Variants in TMEM132D observed in about 807,000 individuals in gnomAD.
TMEM132D encodes the protein transmembrane protein 132D.
In TMEM132D, 21 loss-of-function variants were observed where a neutral mutation model predicts 62.3. The ratio of observed to expected loss-of-function variants is 0.34; its 90% confidence interval spans 0.24 to 0.49. The LOEUF (loss-of-function observed/expected upper bound fraction) is 0.49, where lower values mean the gene tolerates loss of function less well. TMEM132D is among the 20% of genes least tolerant of loss of function. The pLI is 0.99. For synonymous variants in TMEM132D, 621 were observed against 575.6 expected (o/e 1.08, Z -1.13); for missense variants, 1,346 against 1,402.8 (o/e 0.96, Z 0.65).
At chr12:129,694,541 C>T (rs764301519) in intron 2 of TMEM132D, among the ~76,000 whole-genome samples, 16 of 152,190 alleles carry the variant, frequency 1.1e-4, no homozygotes, top group African/African-American at 1.4e-4. Flanking sequence ...TCGGAGTATG[C>T]GCCTGTAACA....
At chr12:129,576,555 C>CAT (rs927087557) in intron 2 of TMEM132D, among the ~76,000 whole-genome samples, 7 of 151,094 alleles carry the variant, frequency 4.6e-5, no homozygotes, top group African/African-American at 1.7e-4. Context: ...AATATATACA[C>CAT]ATATATATGT....
At chr12:129,607,845 C>A (rs1161125703) in intron 2 of TMEM132D, among the ~76,000 whole-genome samples, 5 of 152,190 alleles carry the variant, frequency 3.3e-5, no homozygotes, top group Admixed American at 1.3e-4. Flanking sequence ...TGCTGAGTTT[C>A]TCATGGCATA....
rs750660358 is a variant in TMEM132D, at chr12:129,558,503, G to C, written c.969-27298C>G. Among the ~76,000 whole-genome samples, 8 of 152,254 alleles carry C rather than the reference G, an allele frequency of 5.3e-5. No individual in the cohort carries two copies. In the South Asian group the frequency reaches 1.5e-3, roughly 28 times the overall value. ...CTAGATCAGCTCAGTGGGTGATTTCGAGCGTGGGCTCCTAAGCTGCTGGGA... is the reference window on the plus strand; with the variant it reads ...CTAGATCAGCTCAGTGGGTGATTTCCAGCGTGGGCTCCTAAGCTGCTGGGA... On this transcript the variant is annotated intron_variant, in intron 2 of 8. Transcript: ENST00000422113.
At position 129,356,282 on chromosome 12, in the gene TMEM132D, A is replaced by C. The variant is rs1439211284; in HGVS notation, c.1116-18465T>G. 3.2e-5 allele frequency among the ~76,000 whole-genome samples: 2 copies of C among 62,392 alleles called. 1 individual carries two copies. The highest frequency in any genetic ancestry group is 6.3e-4 in the East Asian group (2 of 3,150). 40.9% of individuals were successfully genotyped at this position (62,392 alleles called of 152,430 possible). A position where few individuals can be genotyped will look rare whatever the true frequency, so the allele number is the denominator to read the frequency against. ...CGCCATTCTCCTGCCTCAGCCTCCC[A>C]AGTAGCTGGGACTACAGGCGCCCGC... On this transcript the variant is annotated intron_variant, in intron 3 of 8. Transcript: ENST00000422113.
At chr12:129,365,645 C>T (rs1870383350) in intron 3 of TMEM132D, among the ~76,000 whole-genome samples, 1 of 152,070 alleles carries the variant, frequency 6.6e-6, no homozygotes, top group Non-Finnish European at 1.5e-5. Flanking sequence ...CCCCTGTCAC[C>T]CCGCAGGGAG....
At chr12:129,839,117 A>ATTTGTTTTTTTTTTTTT (rs1873098116) in intron 1 of TMEM132D, among the ~76,000 whole-genome samples, 1 of 20,704 alleles carries the variant, frequency 4.8e-5, no homozygotes, top group Non-Finnish European at 8.4e-5. Context: ...CGCCTGGCTA[A>ATTTGTTTTTTTTTTTTT]TTTTTTTTTT....
intron 3 of TMEM132D, among the ~76,000 whole-genome samples, chr12:129,388,136 ACACTAACATGAG>A (rs1262720207): frequency 1.5e-5 from 2 of 130,296 alleles, no homozygotes; most frequent in Non-Finnish European, 1.7e-5. Flanking sequence ...GATAATATGA[ACACTAACATGAG>A]TCCTAATATA....
At chr12:129,170,823 A>C (rs184786087) in intron 5 of TMEM132D, among the ~76,000 whole-genome samples, 1 of 151,196 alleles carries the variant, frequency 6.6e-6, no homozygotes, top group Non-Finnish European at 1.5e-5. Context: ...AAAAAGTGTT[A>C]TTGATAAAAA....
At chr12:129,532,976 C>T (rs1876272063) in intron 2 of TMEM132D, among the ~76,000 whole-genome samples, 1 of 152,144 alleles carries the variant, frequency 6.6e-6, no homozygotes, top group South Asian at 2.1e-4. Context: ...TACATCGGAG[C>T]AGTGATTCTC....
At chr12:129,891,855 CAT>C (rs1327362945) in intron 1 of TMEM132D, among the ~76,000 whole-genome samples, 3 of 152,022 alleles carry the variant, frequency 2.0e-5, no homozygotes, top group Non-Finnish European at 4.4e-5. Context: ...ATAGGTACCA[CAT>C]AGAGAGTGAA....
At chr12:129,431,404 C>T (rs553169190) in intron 3 of TMEM132D, among the ~76,000 whole-genome samples, 4 of 152,302 alleles carry the variant, frequency 2.6e-5, no homozygotes, top group African/African-American at 7.2e-5. Flanking sequence ...ACACATCTGT[C>T]GTATCTAGGC....
Position 129,903,657 on chromosome 12 carries a change from C to T in TMEM132D, c.-318G>A, listed in dbSNP as rs965096114. 1.6e-4 allele frequency: 35 copies of T among 225,656 alleles called. No individual in the cohort carries two copies. Among genetic ancestry groups the T allele is most frequent in the Non-Finnish European group, 1.7e-4 (20 of 116,188 alleles). 14.0% of individuals were successfully genotyped at this position (225,656 alleles called of 1,614,324 possible). On this transcript the variant is annotated 5_prime_UTR_variant, in exon 1 of 9. Coordinates refer to ENST00000422113, the MANE Select transcript of TMEM132D (RefSeq NM_133448.3). This position sits in a 1 kb window ranked among gnomAD's most constrained non-coding sequence, Gnocchi z 6.2. ...GTATTTCCTTTCCTGTTTACCCGAG[C>T]GAAGAGTGGCCCCCGGTGGCCCAAG...
intron 2 of TMEM132D, among the ~76,000 whole-genome samples, chr12:129,563,506 A>T (rs1478764509): frequency 6.6e-6 from 1 of 152,192 alleles, no homozygotes; most frequent in Non-Finnish European, 1.5e-5. Context: ...CGGAGTTGGC[A>T]ATGTAATCAG....
rs769064382 is a variant in TMEM132D at position 129,700,584 on chromosome 12, G to A, written c.194C>T (p.Ala65Val). The change falls in exon 2 of 9, where the codon GCC becomes GTC. Residue 65 changes from alanine (A) to valine (V), a missense_variant. Transcript: ENST00000422113. Reference protein sequence around the residue: ...NADVSFFLKEANQDIMRNSSL... With the variant: ...NADVSFFLKEVNQDIMRNSSL... ...GGAGTTCCTCATGATATCCTGGTTG[G>A]CCTCCTTCAGGAAGAAGGAGACGTC... 13 of 1,614,010 alleles carry A rather than the reference G, an allele frequency of 8.1e-6. No homozygotes were observed. The highest frequency in any genetic ancestry group is 1.1e-5 in the Non-Finnish European group (13 of 1,180,030).
intron 1 of TMEM132D, among the ~76,000 whole-genome samples, chr12:129,842,863 T>G (rs1873240789): frequency 6.6e-6 from 1 of 152,356 alleles, no homozygotes; most frequent in Non-Finnish European, 1.5e-5. Context: ...CGAGTCATCC[T>G]GTTTGCTTTT....
At position 129,848,496 on chromosome 12, in the gene TMEM132D, A is replaced by G. The variant is rs567487982; in HGVS notation, c.79+54765T>C. On this transcript the variant is annotated intron_variant, in intron 1 of 8. Transcript: ENST00000422113. ...TAAAAAATCTGAACATCAAAAAGAC[A>G]CGTTTTCCAATGGGGAAAAAGTAGA... 7.2e-5 allele frequency among the ~76,000 whole-genome samples: 11 copies of G among 152,332 alleles called. No individual in the cohort carries two copies. In the South Asian group the frequency reaches 8.3e-4, roughly 11 times the overall value.
chr12:129,819,254 G>A (rs1872473201), intron 1 of TMEM132D, among the ~76,000 whole-genome samples: 1 of 152,046 alleles, frequency 6.6e-6, no homozygotes, highest in African/African-American at 2.4e-5. Flanking sequence ...ACTGCACTTT[G>A]ATCATGGCAT....
chr12:129,547,110 T>C (rs1274472595), intron 2 of TMEM132D, among the ~76,000 whole-genome samples: 3 of 152,128 alleles, frequency 2.0e-5, no homozygotes, highest in Non-Finnish European at 4.4e-5. Flanking sequence ...AATCCTCCCA[T>C]TGCTGCCTCT....
chr12:129,618,117 G>A (rs1028327129), intron 2 of TMEM132D, among the ~76,000 whole-genome samples: 1 of 152,192 alleles, frequency 6.6e-6, no homozygotes. Flanking sequence ...GCCTGGAGGC[G>A]TAAAATTTAA....
Sources: gnomAD v4.1 joint callset for allele counts (sites outside exome capture counted in the v4.1 genomes callset) on GRCh38, gnomAD v4.1.1 for gene constraint, Gnocchi (gnomAD v3.1) non-coding constraint, MANE v1.5 for transcripts, NCBI Gene and HGNC (gene_info 2026-07-23, HGNC 2026-07-21) for gene names.